SOS2: variants seen among roughly 807,000 people sequenced by gnomAD.
SOS2 encodes son of sevenless homolog 2.
SOS2 carries 65 observed loss-of-function variants against 148.2 expected under a neutral mutation model. The ratio of observed to expected loss-of-function variants is 0.44; its 90% CI spans 0.36 to 0.54. SOS2 has a LOEUF of 0.54. SOS2 is among the 20% of genes least tolerant of loss of function. SOS2 has a pLI of 0.00. For synonymous variants in SOS2, 539 were observed against 537.1 expected, an observed-to-expected ratio of 1.00 and a Z score of -0.05; for missense variants, 1,341 against 1,590.2, an observed-to-expected ratio of 0.84 and a Z score of 2.67.
intron 1 of SOS2, among the ~76,000 whole-genome samples, chr14:50,228,531 G>A (rs1887449018): frequency 1.3e-5 from 2 of 152,012 alleles, no homozygotes; most frequent in African/African-American, 4.8e-5. Flanking sequence ...CCTCATCAAT[G>A]GGCTGAATCA....
At chr14:50,198,334 T>C (rs1235787426) in intron 4 of SOS2, among the ~76,000 whole-genome samples, 2 of 128,822 alleles carry the variant, frequency 1.6e-5, no homozygotes, top group Non-Finnish European at 3.2e-5. Context: ...TTTCTAAAAG[T>C]CTAAGATATT....
chr14:50,218,279 T>C (rs935283740), intron 1 of SOS2, among the ~76,000 whole-genome samples: 1 of 146,900 alleles, frequency 6.8e-6, no homozygotes, highest in African/African-American at 2.5e-5. Flanking sequence ...TCCCAGCACT[T>C]TGGGAGGCCA....
intron 19 of SOS2, among the ~76,000 whole-genome samples, chr14:50,133,610 T>C (rs1324475212): frequency 6.6e-6 from 1 of 152,218 alleles, no homozygotes; most frequent in Non-Finnish European, 1.5e-5. Context: ...TTTTACTTCC[T>C]TCTATATCTT....
rs567637556 is a variant in SOS2, at chr14:50,210,561, T to A, written c.88-6152A>T. On this transcript the variant is annotated intron_variant, in intron 1 of 22. Transcript: ENST00000216373. ...TAAACTTTATATTAAACTTTAAAAT[T>A]TAGGTTTCTCAAAAGACATCTTTAA... Among the ~76,000 whole-genome samples, 72 of 152,172 alleles carry A rather than the reference T, an allele frequency of 4.7e-4. 2 individuals carry two copies. The highest frequency in any genetic ancestry group is 1.7e-3 in the African/African-American group (71 of 41,534).
At chr14:50,119,272 G>A (rs1236278498) in intron 22 of SOS2, among the ~76,000 whole-genome samples, 1 of 152,194 alleles carries the variant, frequency 6.6e-6, no homozygotes, top group Non-Finnish European at 1.5e-5. Flanking sequence ...GTGTGATCCA[G>A]AGACCAACAA....
intron 7 of SOS2, among the ~76,000 whole-genome samples, chr14:50,175,428 CTTTTTTT>C (rs71441277): frequency 5.0e-5 from 6 of 119,836 alleles, no homozygotes; most frequent in Admixed American, 2.7e-4. Context: ...AGGAGTAATA[CTTTTTTT>C]TTTTTTTTTT....
At chr14:50,185,446 C>T (rs2050263967) in intron 5 of SOS2, among the ~76,000 whole-genome samples, 1 of 152,068 alleles carries the variant, frequency 6.6e-6, no homozygotes, top group Admixed American at 6.6e-5. Flanking sequence ...AATCCCAGAA[C>T]TTTGGGAAGT....
rs549303941 is a variant in SOS2 at position 50,121,180 on chromosome 14, A to G, written c.3380-796T>C. ...CTCTCACTGATAATGTACACGTTAT[A>G]TAACTACATTAAAGGAAATTTACAA... is the stretch of plus-strand genomic sequence containing the variant. On this transcript the variant is annotated intron_variant, in intron 21 of 22. Transcript: ENST00000216373. Among the ~76,000 whole-genome samples the G allele has an allele frequency of 3.9e-5, 6 of 152,338 alleles. No homozygotes were observed. In the East Asian group the frequency reaches 1.2e-3, roughly 29 times the overall value.
chr14:50,131,274 G>A (rs1883857317), intron 19 of SOS2, among the ~76,000 whole-genome samples: 1 of 152,080 alleles, frequency 6.6e-6, no homozygotes, highest in Non-Finnish European at 1.5e-5. Context: ...AGTTCTGGCA[G>A]GAGTAATCAA....
intron 7 of SOS2, among the ~76,000 whole-genome samples, chr14:50,179,374 C>A (rs1359149876): frequency 1.3e-5 from 2 of 152,028 alleles, no homozygotes; most frequent in East Asian, 3.9e-4. Flanking sequence ...GGGGTAAAAG[C>A]CAGTTTATTT....
At chr14:50,145,918 T>A (rs1320964747) in intron 14 of SOS2, among the ~76,000 whole-genome samples, 2 of 152,142 alleles carry the variant, frequency 1.3e-5, no homozygotes, top group Non-Finnish European at 2.9e-5. Flanking sequence ...ATGGATCACC[T>A]GAGGTCAGGA....
At chr14:50,163,615 TG>T (rs1024759887) in intron 8 of SOS2, among the ~76,000 whole-genome samples, 5 of 152,266 alleles carry the variant, frequency 3.3e-5, no homozygotes, top group African/African-American at 1.2e-4. Flanking sequence ...ATAGAAAGTT[TG>T]AAAAAAGATC....
At chr14:50,164,931 A>T (rs1385194672) in intron 8 of SOS2, among the ~76,000 whole-genome samples, 2 of 152,188 alleles carry the variant, frequency 1.3e-5, no homozygotes, top group African/African-American at 2.4e-5. Context: ...ATTTTGTCAC[A>T]TGCTTCATCA....
intron 4 of SOS2, among the ~76,000 whole-genome samples, chr14:50,199,213 A>G (rs1431475901): frequency 2.6e-5 from 4 of 152,178 alleles, no homozygotes; most frequent in Non-Finnish European, 5.9e-5. Flanking sequence ...TGGAAGACTC[A>G]ATTTCTTCCC....
intron 4 of SOS2, among the ~76,000 whole-genome samples, chr14:50,188,988 T>C (rs938690203): frequency 2.0e-5 from 3 of 151,034 alleles, no homozygotes. Context: ...TGCTTGAGCC[T>C]GGGAGGTCAA....
chr14:50,224,292 G>GAAA (rs1887286861), intron 1 of SOS2, among the ~76,000 whole-genome samples: 2 of 14,790 alleles, frequency 1.4e-4, no homozygotes, highest in Admixed American at 1.1e-3. Flanking sequence ...CTCCGTCTCA[G>GAAA]GAAAAAAAAA....
intron 14 of SOS2, among the ~76,000 whole-genome samples, chr14:50,147,097 T>C (rs1489458863): frequency 6.6e-6 from 1 of 151,234 alleles, no homozygotes; most frequent in Admixed American, 6.6e-5. Flanking sequence ...ACTGAGAGAC[T>C]GAGGTGGGAA....
At position 50,215,396 on chromosome 14, in the gene SOS2, TCAAGAGGA is replaced by T. The variant is rs1421041736; in HGVS notation, c.88-10995_88-10988del. ...CACCCATAAATGCTGTAACAGGACA[TCAAGAGGA>T]CAATGGAAGAGAACCATGCTTTACA... On this transcript the variant is annotated intron_variant, in intron 1 of 22. Transcript: ENST00000216373. The T allele has an allele frequency of 7.8e-6, 10 of 1,284,446 alleles. No homozygotes were observed. The Admixed American group carries it at 2.3e-4, about 30-fold the overall frequency. 79.6% of individuals were successfully genotyped at this position (1,284,446 alleles called of 1,614,324 possible). A position where few individuals can be genotyped will look rare whatever the true frequency, so the allele number is the denominator to read the frequency against.
chr14:50,218,084 G>A (rs2139842993), intron 1 of SOS2, among the ~76,000 whole-genome samples: 1 of 150,892 alleles, frequency 6.6e-6, no homozygotes, highest in Middle Eastern at 3.4e-3. Flanking sequence ...GATCATTTGA[G>A]GCCAGGAGCT....
Sources: allele counts gnomAD v4.1 joint callset (sites outside exome capture counted in the v4.1 genomes callset), GRCh38; gene constraint gnomAD v4.1.1; transcripts MANE v1.5; gene names NCBI Gene and HGNC (gene_info 2026-07-23, HGNC 2026-07-21).